Variants in CYRIB observed in about 807,000 individuals in gnomAD.
CYRIB encodes the protein CYFIP related Rac1 interactor B, also known as CYFIP-related Rac1 interactor B.
CYRIB carries 8 observed loss-of-function variants against 44.2 expected under a neutral mutation model. The ratio of observed to expected loss-of-function variants is 0.18; its 90% CI spans 0.11 to 0.33. CYRIB has a LOEUF of 0.33. CYRIB is among the 10% of genes least tolerant of loss of function. The pLI is 1.00. For synonymous variants in CYRIB, 131 were observed against 127.2 expected (o/e 1.03, Z -0.20); for missense variants, 185 against 382.8 (o/e 0.48, Z 4.31).
chr8:129,938,383 A>C (rs753360933), intron 1 of CYRIB, among the ~76,000 whole-genome samples: 1 of 152,142 alleles, frequency 6.6e-6, no homozygotes, highest in Non-Finnish European at 1.5e-5. Flanking sequence ...TATATAAAAC[A>C]CTCCTTTGGA....
chr8:129,931,654 T>A (rs983852201), intron 1 of CYRIB, among the ~76,000 whole-genome samples: 1 of 151,830 alleles, frequency 6.6e-6, no homozygotes, highest in Non-Finnish European at 1.5e-5. Context: ...TGAGACAGAG[T>A]CTCCCTCTGT....
At chr8:129,928,904 TAA>T (rs1362345257) in intron 1 of CYRIB, among the ~76,000 whole-genome samples, 2 of 152,200 alleles carry the variant, frequency 1.3e-5, no homozygotes, top group African/African-American at 2.4e-5. Context: ...AAAAATTATA[TAA>T]GTTTTCCATA....
intron 1 of CYRIB, among the ~76,000 whole-genome samples, chr8:129,927,840 A>G (rs1388859950): frequency 6.6e-6 from 1 of 152,146 alleles, no homozygotes; most frequent in Non-Finnish European, 1.5e-5. Context: ...CTATAGAAAA[A>G]CCCAAACATT....
At chr8:129,988,438 A>C (rs1168213577) in intron 1 of CYRIB, among the ~76,000 whole-genome samples, 1 of 152,098 alleles carries the variant, frequency 6.6e-6, no homozygotes, top group Non-Finnish European at 1.5e-5. Context: ...ATGTTCTTTG[A>C]CTATGCTGAG....
At chr8:129,852,395 G>A (rs905534869) in intron 7 of CYRIB, 117 bp from the exon 10 acceptor site, 19 of 473,498 alleles carry the variant, frequency 4.0e-5, no homozygotes, top group South Asian at 2.2e-4. Context: ...CTCATGTATC[G>A]ATAATACTCA....
At chr8:129,869,075 GA>G (rs904687587) in intron 4 of CYRIB, among the ~76,000 whole-genome samples, 9 of 142,816 alleles carry the variant, frequency 6.3e-5, no homozygotes, top group African/African-American at 1.0e-4. Context: ...AAAAAAAGAA[GA>G]AAAAAAAATA....
intron 5 of CYRIB, among the ~76,000 whole-genome samples, chr8:129,861,239 CAA>C (rs1427956369): frequency 2.0e-5 from 3 of 152,138 alleles, no homozygotes; most frequent in African/African-American, 2.4e-5. Flanking sequence ...TAAAATCAAA[CAA>C]AGAGCTAACT....
rs2085936837 is a variant in CYRIB, at chr8:129,924,295, G to GC, written c.-50+15312_-50+15313insG. Among the ~76,000 whole-genome samples, 32 of 98,336 alleles carry GC rather than the reference G, an allele frequency of 3.3e-4. 2 individuals carry two copies. Among genetic ancestry groups the GC allele is most frequent in the Admixed American group, 2.7e-3 (26 of 9,786 alleles). The allele number at this position is 98,336 out of a possible 152,430, so 64.5% of individuals were successfully genotyped here. ...CTCCAAAAAAAAAAAAAAAACCGGG[G>GC]GGGGGGGGGGTGGCGGGGGGGGTGT... On this transcript the variant is annotated intron_variant, in intron 1 of 11. Coordinates refer to ENST00000519824, the Ensembl canonical transcript of CYRIB.
chr8:129,969,138 T>A (rs2095599101), intron 2 of CYRIB, among the ~76,000 whole-genome samples: 1 of 149,010 alleles, frequency 6.7e-6, no homozygotes. Context: ...CTCAGCCTCC[T>A]GAGTAGCTGG....
chr8:129,973,568 C>A (rs904510283), intron 1 of CYRIB, among the ~76,000 whole-genome samples: 9 of 152,222 alleles, frequency 5.9e-5, no homozygotes, highest in Non-Finnish European at 1.3e-4. Context: ...CTCCAGAGGA[C>A]AAGGGGAGTC....
upstream of CYRIB, among the ~76,000 whole-genome samples, chr8:129,943,079 A>ACTGCCCACCCCC: frequency 8.8e-6 from 1 of 113,078 alleles, no homozygotes; most frequent in African/African-American, 4.8e-5. Flanking sequence ...ACATTTTTGC[A>ACTGCCCACCCCC]CCGCCCACCC....
In CYRIB at chr8:129,871,224, T is replaced by C. The variant is rs371208275; in HGVS notation, c.195+151A>G. Reference sequence around the variant, plus strand: ...GTTTTTCCTTTTATGCTCATTTCACTGCAATCACTTCTGAAACAATGCCAA... The same window carrying C: ...GTTTTTCCTTTTATGCTCATTTCACCGCAATCACTTCTGAAACAATGCCAA... On this transcript the variant is annotated intron_variant, in intron 4 of 11. Transcript: ENST00000519824. 509 of 841,840 alleles carry C rather than the reference T, an allele frequency of 6.0e-4. 7 individuals are homozygous for C. The South Asian group carries it at 0.012, about 20-fold the overall frequency. 52.1% of individuals were successfully genotyped at this position (841,840 alleles called of 1,614,324 possible). A position where few individuals can be genotyped will look rare whatever the true frequency, so the allele number is the denominator to read the frequency against.
At chr8:129,939,851 AT>A (rs2093505505), upstream of CYRIB, 1 of 152,332 alleles carries the variant, frequency 6.6e-6, no homozygotes, top group Non-Finnish European at 1.5e-5. Context: ...GGAGGAGGGA[AT>A]GCCAGGAAGT....
chr8:129,943,318 G>A (rs1258981136), upstream of CYRIB, among the ~76,000 whole-genome samples: 1 of 151,974 alleles, frequency 6.6e-6, no homozygotes, highest in Non-Finnish European at 1.5e-5. Context: ...CAGGTGCAGT[G>A]GCTCACACCT....
At chr8:129,994,525 C>T (rs2096724170) in intron 1 of CYRIB, among the ~76,000 whole-genome samples, 1 of 152,202 alleles carries the variant, frequency 6.6e-6, no homozygotes, top group African/African-American at 2.4e-5. Flanking sequence ...CCGCAGAAGC[C>T]TGGGTGTTCA....
At chr8:129,966,354 C>G (rs776179192) in intron 2 of CYRIB, among the ~76,000 whole-genome samples, 28 of 152,176 alleles carry the variant, frequency 1.8e-4, no homozygotes, top group Non-Finnish European at 3.2e-4. Flanking sequence ...AAATGGCCCT[C>G]CAAAGAAGTT....
intron 1 of CYRIB, among the ~76,000 whole-genome samples, chr8:129,926,511 C>T (rs1019699240): frequency 3.9e-5 from 6 of 152,132 alleles, no homozygotes; most frequent in African/African-American, 1.4e-4. Flanking sequence ...AGAGCTGTTA[C>T]ATCTCTAAAT....
upstream of CYRIB, among the ~76,000 whole-genome samples, chr8:129,942,778 C>T (rs541577923): frequency 3.2e-4 from 49 of 152,256 alleles, no homozygotes; most frequent in African/African-American, 1.1e-3. Flanking sequence ...GACTTGTTTT[C>T]TTCTTTTGCT....
chr8:129,871,550 A>T, intron 3 of CYRIB, 54 bp from the exon 6 acceptor site: 1 of 1,582,410 alleles, frequency 6.3e-7, no homozygotes, highest in African/African-American at 1.4e-5. Context: ...TTTTTAAAAT[A>T]CATGTGTAAC....
Sources: gnomAD v4.1 joint callset for allele counts (sites outside exome capture counted in the v4.1 genomes callset) on GRCh38, gnomAD v4.1.1 for gene constraint, MANE v1.5 for transcripts, NCBI Gene and HGNC (gene_info 2026-07-23, HGNC 2026-07-21) for gene names.